The following GRIK2 variants were observed in gnomAD, a reference collection of about 807,000 sequenced individuals.
GRIK2 encodes the protein glutamate ionotropic receptor kainate type subunit 2, also known as glutamate receptor ionotropic, kainate 2.
Under a neutral mutation model 100.3 loss-of-function variants are expected in GRIK2, and 32 were observed. The ratio of observed to expected loss-of-function variants is 0.32; its 90% CI spans 0.24 to 0.43. GRIK2 has a LOEUF of 0.43. GRIK2 is among the 20% of genes least tolerant of loss of function. GRIK2 has a pLI of 1.00. For synonymous variants in GRIK2, 417 were observed against 389.4 expected, an observed-to-expected ratio of 1.07 and a Z score of -0.83; for missense variants, 843 against 1,114.9, an observed-to-expected ratio of 0.76 and a Z score of 3.47.
intron 10 of GRIK2, among the ~76,000 whole-genome samples, chr6:101,858,101 A>G (rs1784525076): frequency 6.6e-6 from 1 of 151,984 alleles, no homozygotes; most frequent in South Asian, 2.1e-4. Context: ...AAATTACTTA[A>G]TTTTGTCTTC....
chr6:101,758,494 C>G (rs1777277288), intron 7 of GRIK2, among the ~76,000 whole-genome samples: 1 of 152,144 alleles, frequency 6.6e-6, no homozygotes, highest in South Asian at 2.1e-4. Flanking sequence ...TCATCCATTG[C>G]TCCCTGTTGG....
chr6:101,646,304 T>C (rs1781524872), intron 4 of GRIK2, among the ~76,000 whole-genome samples: 1 of 151,958 alleles, frequency 6.6e-6, no homozygotes, highest in South Asian at 2.1e-4. Flanking sequence ...GAGAAAGTTT[T>C]TGTATCTTCT....
intron 7 of GRIK2, among the ~76,000 whole-genome samples, chr6:101,698,362 A>G (rs1340641899): frequency 2.0e-5 from 3 of 152,288 alleles, no homozygotes; most frequent in East Asian, 1.9e-4. Flanking sequence ...AATGTTTCAG[A>G]CAAAAATGAA....
intron 14 of GRIK2, among the ~76,000 whole-genome samples, chr6:102,028,489 T>C (rs1248423332): frequency 2.6e-5 from 4 of 151,260 alleles, no homozygotes; most frequent in Non-Finnish European, 5.9e-5. Context: ...TAAGTTTCTT[T>C]AAGGAAAGGA....
chr6:101,998,046 A>G (rs1376114624), intron 14 of GRIK2, among the ~76,000 whole-genome samples: 1 of 152,104 alleles, frequency 6.6e-6, no homozygotes, highest in Non-Finnish European at 1.5e-5. Context: ...GAAGATAGTG[A>G]GCATATCTAT....
chr6:101,434,793 C>T (rs2128244244), intron 2 of GRIK2, among the ~76,000 whole-genome samples: 1 of 152,212 alleles, frequency 6.6e-6, no homozygotes, highest in African/African-American at 2.4e-5. Context: ...GGTGGTACCA[C>T]TGTAAATGGG....
At chr6:101,432,073 G>A (rs1323904718) in intron 2 of GRIK2, among the ~76,000 whole-genome samples, 2 of 152,010 alleles carry the variant, frequency 1.3e-5, no homozygotes, top group Non-Finnish European at 2.9e-5. Context: ...GAACCCTGTG[G>A]CTATTTAATT....
At chr6:101,794,899 T>G (rs892841610) in intron 7 of GRIK2, among the ~76,000 whole-genome samples, 3 of 151,034 alleles carry the variant, frequency 2.0e-5, no homozygotes, top group African/African-American at 7.3e-5. Context: ...GGAGTCTCAC[T>G]TTGTCACCCA....
chr6:101,616,376 A>G (rs984597840), intron 2 of GRIK2, among the ~76,000 whole-genome samples: 4 of 151,822 alleles, frequency 2.6e-5, no homozygotes, highest in African/African-American at 7.2e-5. Context: ...GAAAGTCAAA[A>G]TTAATCAAAT....
intron 4 of GRIK2, among the ~76,000 whole-genome samples, chr6:101,659,113 C>T (rs1266949821): frequency 6.6e-6 from 1 of 151,846 alleles, no homozygotes; most frequent in Non-Finnish European, 1.5e-5. Flanking sequence ...AATCATATTG[C>T]CTAGGTTTTC....
intron 2 of GRIK2, among the ~76,000 whole-genome samples, chr6:101,455,082 C>T (rs9485499): frequency 0.044 from 6,675 of 151,850 alleles, 517 homozygotes; most frequent in African/African-American, 0.15. Flanking sequence ...TATAACAGGA[C>T]GAAAACTATT....
chr6:101,982,490 G>T (rs1211641301), intron 14 of GRIK2, among the ~76,000 whole-genome samples: 4 of 151,488 alleles, frequency 2.6e-5, no homozygotes, highest in South Asian at 2.1e-4. Context: ...TCTCTTTTTC[G>T]GTTTTGTGTG....
chr6:101,990,138 A>G (rs1010761393), intron 14 of GRIK2, among the ~76,000 whole-genome samples: 5 of 151,516 alleles, frequency 3.3e-5, no homozygotes, highest in Admixed American at 3.3e-4. Flanking sequence ...TATTGGGAGG[A>G]AAGATTTATT....
intron 7 of GRIK2, among the ~76,000 whole-genome samples, chr6:101,789,181 C>G (rs1260057364): frequency 6.6e-6 from 1 of 152,110 alleles, no homozygotes; most frequent in Admixed American, 6.5e-5. Flanking sequence ...ATAGTAGTTT[C>G]TTTTGCTGTG....
intron 4 of GRIK2, among the ~76,000 whole-genome samples, chr6:101,641,637 A>G (rs1449530209): frequency 6.6e-6 from 1 of 152,010 alleles, no homozygotes; most frequent in African/African-American, 2.4e-5. Context: ...ATTATTAAAG[A>G]AAACAACTGC....
chr6:101,800,384 A>G (rs1780596328), intron 8 of GRIK2, among the ~76,000 whole-genome samples: 2 of 151,892 alleles, frequency 1.3e-5, no homozygotes, highest in Admixed American at 6.6e-5. Flanking sequence ...ATACATACAT[A>G]TATACATGCA....
chr6:101,712,969 G>A (rs908900283), intron 7 of GRIK2, among the ~76,000 whole-genome samples: 19 of 151,770 alleles, frequency 1.3e-4, no homozygotes, highest in Non-Finnish European at 1.5e-5. Flanking sequence ...ATTGGATTGA[G>A]TGTACAGACA....
At chr6:101,507,395 A>G (rs1774078541) in intron 2 of GRIK2, among the ~76,000 whole-genome samples, 1 of 152,122 alleles carries the variant, frequency 6.6e-6, no homozygotes, top group African/African-American at 2.4e-5. Context: ...TATTTTATTC[A>G]TACATTAGAA....
At chr6:101,721,678 T>G (rs898478455) in intron 7 of GRIK2, among the ~76,000 whole-genome samples, 1 of 152,066 alleles carries the variant, frequency 6.6e-6, no homozygotes, top group Admixed American at 6.6e-5. Flanking sequence ...TGTTCTACAT[T>G]TCATTTTTCT....
Sources: allele counts gnomAD v4.1 joint callset (sites outside exome capture counted in the v4.1 genomes callset), GRCh38; gene constraint gnomAD v4.1.1; transcripts MANE v1.5; gene names NCBI Gene and HGNC (gene_info 2026-07-23, HGNC 2026-07-21).